The following SHROOM3 variants were observed in gnomAD, a reference collection of about 807,000 sequenced individuals.
SHROOM3 encodes shroom family member 3, also known as protein Shroom3.
SHROOM3 carries 47 observed loss-of-function variants against 138.6 expected under a neutral mutation model. The observed-to-expected ratio is 0.34, with a 90% CI of 0.27 to 0.43. The LOEUF (loss-of-function observed/expected upper bound fraction) is 0.43, where lower values mean the gene tolerates loss of function less well. Ranked by LOEUF, SHROOM3 falls within the 20% of genes least tolerant of loss-of-function variation. The probability of loss-of-function intolerance (pLI) is 1.00; values close to 1 mark genes in which losing one functional copy is unlikely to be tolerated. For synonymous variants in SHROOM3, 1,062 were observed against 1,063.3 expected, an observed-to-expected ratio of 1.00 and a Z score of 0.02; for missense variants, 2,491 against 2,596.5, an observed-to-expected ratio of 0.96 and a Z score of 0.88.
At chr4:76,465,892 G>A (rs1731240435) in intron 1 of SHROOM3, among the ~76,000 whole-genome samples, 1 of 152,200 alleles carries the variant, frequency 6.6e-6, no homozygotes, top group Non-Finnish European at 1.5e-5. Context: ...AAGGGCCTAA[G>A]ATTTAGGTTT....
At chr4:76,466,594 C>A (rs1731253644) in intron 1 of SHROOM3, among the ~76,000 whole-genome samples, 2 of 152,178 alleles carry the variant, frequency 1.3e-5, no homozygotes, top group Non-Finnish European at 2.9e-5. Context: ...AGGGGCCCTG[C>A]TGTTTTCTGG....
At chr4:76,742,252 T>C in intron 5 of SHROOM3, 1 of 322,044 alleles carries the variant, frequency 3.1e-6, no homozygotes, top group Non-Finnish European at 5.9e-6. Context: ...GTTTTTTGCT[T>C]TTTTTTTTTT....
At chr4:76,438,359 T>C (rs186986951) in intron 1 of SHROOM3, among the ~76,000 whole-genome samples, 3 of 152,206 alleles carry the variant, frequency 2.0e-5, no homozygotes, top group Non-Finnish European at 2.9e-5. Context: ...GCAATCTCCT[T>C]TCTTTCAAGG....
chr4:76,580,661 G>A (rs1734033201), intron 2 of SHROOM3, among the ~76,000 whole-genome samples: 1 of 152,038 alleles, frequency 6.6e-6, no homozygotes, highest in Non-Finnish European at 1.5e-5. Flanking sequence ...CCTGACCTCA[G>A]GTGATCTGCC....
At chr4:76,604,787 G>T (rs1245548346) in intron 2 of SHROOM3, among the ~76,000 whole-genome samples, 1 of 152,196 alleles carries the variant, frequency 6.6e-6, no homozygotes. Flanking sequence ...AAGTGACCTT[G>T]CGTTCAAAAT....
intron 2 of SHROOM3, among the ~76,000 whole-genome samples, chr4:76,578,992 C>G (rs1733989982): frequency 6.6e-6 from 1 of 152,008 alleles, no homozygotes; most frequent in South Asian, 2.1e-4. Context: ...TAATGAGACC[C>G]TGACTTTACA....
intron 2 of SHROOM3, among the ~76,000 whole-genome samples, chr4:76,578,571 G>A (rs978509611): frequency 1.3e-5 from 2 of 152,168 alleles, no homozygotes; most frequent in Non-Finnish European, 2.9e-5. Flanking sequence ...AACTATATCT[G>A]TTATCAGTTT....
chr4:76,654,320 T>C (rs1219415621), intron 2 of SHROOM3, among the ~76,000 whole-genome samples: 1 of 152,124 alleles, frequency 6.6e-6, no homozygotes, highest in South Asian at 2.1e-4. Flanking sequence ...TTCTGAGAGT[T>C]TGTACTTTAT....
intron 1 of SHROOM3, among the ~76,000 whole-genome samples, chr4:76,446,359 G>T (rs377752809): frequency 6.6e-5 from 10 of 151,072 alleles, no homozygotes; most frequent in African/African-American, 2.4e-4. Flanking sequence ...TGCATGAACT[G>T]TGTGCAACAG....
Position 76,635,524 on chromosome 4 carries a change from C to A in SHROOM3, c.324-74632C>A, listed in dbSNP as rs1049260189. Among the ~76,000 whole-genome samples the A allele has an allele frequency of 4.6e-5, 7 of 152,278 alleles. 1 individual carries two copies. The South Asian group carries it at 1.2e-3, about 27-fold the overall frequency. On this transcript the variant is annotated intron_variant, in intron 2 of 10. Transcript: ENST00000296043. ...ACAGCCTGATGGAGGGACAGCCAGA[C>A]CTACCATTCAGGTTGTAGAATTCTA... is the stretch of plus-strand genomic sequence containing the variant.
chr4:76,582,301 TA>T (rs1468419801), intron 2 of SHROOM3, among the ~76,000 whole-genome samples: 1 of 152,108 alleles, frequency 6.6e-6, no homozygotes, highest in African/African-American at 2.4e-5. Flanking sequence ...CATTTAAACC[TA>T]CCTTACACAG....
At chr4:76,733,783 C>T (rs749346287) in intron 4 of SHROOM3, among the ~76,000 whole-genome samples, 3 of 151,318 alleles carry the variant, frequency 2.0e-5, no homozygotes, top group Admixed American at 1.3e-4. Flanking sequence ...AAGAAGCAGG[C>T]GTAAGAGGGG....
intron 2 of SHROOM3, among the ~76,000 whole-genome samples, chr4:76,700,969 G>C (rs1719888607): frequency 6.6e-6 from 1 of 151,996 alleles, no homozygotes. Flanking sequence ...ATTTTTAATA[G>C]AGATAGTGTT....
chr4:76,726,940 T>TA (rs1720721626), intron 3 of SHROOM3, among the ~76,000 whole-genome samples: 1 of 152,204 alleles, frequency 6.6e-6, no homozygotes, highest in South Asian at 2.1e-4. Flanking sequence ...CATGGACAGA[T>TA]ACTGTTGGGT....
chr4:76,501,539 A>G (rs891104293), intron 1 of SHROOM3, among the ~76,000 whole-genome samples: 1 of 152,128 alleles, frequency 6.6e-6, no homozygotes, highest in Non-Finnish European at 1.5e-5. Context: ...CAGGAGCATC[A>G]TTTAATAAGG....
In SHROOM3 at chr4:76,738,997, C is replaced by T. The variant is rs1721161854; in HGVS notation, c.824C>T (p.Pro275Leu). 1 of 1,614,228 alleles carries T rather than the reference C, an allele frequency of 6.2e-7. No individual in the cohort carries two copies. The highest frequency in any genetic ancestry group is 8.5e-7 in the Non-Finnish European group (1 of 1,180,030). Residue 275 changes from proline (P) to leucine (L), a missense_variant, in exon 5 of 11, where the codon CCT becomes CTT. Pro to Leu is a moderately conservative substitution (Grantham distance 98). Transcript: ENST00000296043. ...TCTAGCATCCTAGAGTATCCACACC[C>T]TGGCATCTCTGGCCGGGAGCGTTCA... is the stretch of plus-strand genomic sequence containing the variant. ...TSSSILEYPHPGISGRERSGS... is the reference protein window; with the variant it reads ...TSSSILEYPHLGISGRERSGS...
chr4:76,720,901 C>T (rs370480552), intron 3 of SHROOM3, among the ~76,000 whole-genome samples: 8 of 151,694 alleles, frequency 5.3e-5, no homozygotes, highest in Non-Finnish European at 8.8e-5. Context: ...TGAGTCACCA[C>T]GCCCGGCCTC....
At chr4:76,608,211 C>T (rs932355778) in intron 2 of SHROOM3, among the ~76,000 whole-genome samples, 1 of 152,206 alleles carries the variant, frequency 6.6e-6, no homozygotes, top group Non-Finnish European at 1.5e-5. Flanking sequence ...CAACACTTGC[C>T]TAATCTACCA....
intron 1 of SHROOM3, among the ~76,000 whole-genome samples, chr4:76,455,707 A>G (rs1423033010): frequency 6.6e-6 from 1 of 152,066 alleles, no homozygotes; most frequent in Non-Finnish European, 1.5e-5. Context: ...ATGAAATTAG[A>G]TTTTTTTTAA....
Sources: gnomAD v4.1 joint callset for allele counts (sites outside exome capture counted in the v4.1 genomes callset) on GRCh38, gnomAD v4.1.1 for gene constraint, MANE v1.5 for transcripts, NCBI Gene and HGNC (gene_info 2026-07-23, HGNC 2026-07-21) for gene names.